NXPE2: variants seen among roughly 807,000 people sequenced by gnomAD.
NXPE2 encodes NXPE family member 2.
A neutral mutation model predicts 34.4 loss-of-function variants in NXPE2; 34 were observed. The observed-to-expected ratio is 0.99, with a 90% CI of 0.75 to 1.31. NXPE2 has a LOEUF of 1.31. Ranked by LOEUF, NXPE2 falls within the 40% of genes most tolerant of loss-of-function variation. The pLI is 0.00. For missense variants in NXPE2, 649 were observed against 672.5 expected, an observed-to-expected ratio of 0.97 and a Z score of 0.39; for synonymous variants, 235 against 231.3, an observed-to-expected ratio of 1.02 and a Z score of -0.15.
the NXPE2 span, among the ~76,000 whole-genome samples, chr11:114,737,069 G>A: frequency 5.3e-5 from 8 of 152,142 alleles, no homozygotes; most frequent in African/African-American, 1.7e-4. Flanking sequence ...ACACACACAC[G>A]TTGTAAAACT....
chr11:114,709,817 G>T (rs60753853), downstream of NXPE2, among the ~76,000 whole-genome samples: 5,713 of 151,906 alleles, frequency 0.038, 320 homozygotes, highest in African/African-American at 0.13. Context: ...CAGGAGAATC[G>T]CTTGAACCCG....
chr11:114,727,790 C>CAA, the NXPE2 span, among the ~76,000 whole-genome samples: 1 of 151,136 alleles, frequency 6.6e-6, no homozygotes, highest in Non-Finnish European at 1.5e-5. Flanking sequence ...CACACACACA[C>CAA]ACACACACAC....
At chr11:114,557,665 ATATATAT>A in the NXPE2 span, among the ~76,000 whole-genome samples, 15 of 106,892 alleles carry the variant, frequency 1.4e-4, no homozygotes, top group Middle Eastern at 4.5e-3. Flanking sequence ...ATATATATAT[ATATATAT>A]AAAATCCTTG....
the NXPE2 span, among the ~76,000 whole-genome samples, chr11:114,506,436 T>C: frequency 6.6e-6 from 1 of 152,238 alleles, no homozygotes; most frequent in Admixed American, 6.5e-5. Flanking sequence ...TATATTATTT[T>C]CATTGCCACA....
the NXPE2 span, among the ~76,000 whole-genome samples, chr11:114,639,245 C>T: frequency 6.6e-6 from 1 of 152,026 alleles, no homozygotes; most frequent in African/African-American, 2.4e-5. Context: ...ATCAGCGAGA[C>T]TCTGTGGGCA....
chr11:114,584,875 T>A, the NXPE2 span, among the ~76,000 whole-genome samples: 150 of 152,178 alleles, frequency 9.9e-4, no homozygotes, highest in Middle Eastern at 0.01. Flanking sequence ...GGGTGATCTC[T>A]TCTAGGAAAT....
At chr11:114,763,425 T>A in the NXPE2 span, among the ~76,000 whole-genome samples, 1 of 152,230 alleles carries the variant, frequency 6.6e-6, no homozygotes, top group Admixed American at 6.5e-5. Flanking sequence ...TGATGTTTTA[T>A]CTAGCCTGTG....
the NXPE2 span, among the ~76,000 whole-genome samples, chr11:114,747,576 G>A: frequency 6.6e-6 from 1 of 152,146 alleles, no homozygotes; most frequent in Non-Finnish European, 1.5e-5. Flanking sequence ...CATAGCTAAA[G>A]GTGAAGGGGA....
the NXPE2 span, among the ~76,000 whole-genome samples, chr11:114,629,120 T>C: frequency 6.6e-6 from 1 of 152,090 alleles, no homozygotes; most frequent in Non-Finnish European, 1.5e-5. Flanking sequence ...CCATTCCTTC[T>C]GAAACTATTC....
chr11:114,545,347 A>C, the NXPE2 span, among the ~76,000 whole-genome samples: 1 of 152,210 alleles, frequency 6.6e-6, no homozygotes, highest in Admixed American at 6.5e-5. Flanking sequence ...AGATAAACAA[A>C]TTGTAGTACA....
At chr11:114,641,374 A>G in the NXPE2 span, among the ~76,000 whole-genome samples, 1 of 152,096 alleles carries the variant, frequency 6.6e-6, no homozygotes, top group Non-Finnish European at 1.5e-5. Flanking sequence ...TAGACTACAT[A>G]CTGAGTCACA....
At chr11:114,684,927 C>G (rs1279012672) in intron 2 of NXPE2, among the ~76,000 whole-genome samples, 1 of 152,088 alleles carries the variant, frequency 6.6e-6, no homozygotes, top group Non-Finnish European at 1.5e-5. Context: ...GGAACTGCCT[C>G]CATGGATATT....
the NXPE2 span, among the ~76,000 whole-genome samples, chr11:114,562,867 C>G: frequency 5.9e-5 from 9 of 152,280 alleles, no homozygotes; most frequent in Middle Eastern, 3.4e-3. Flanking sequence ...TGCTTGCTCT[C>G]AAGATAATGC....
At chr11:114,486,830 T>C in the NXPE2 span, among the ~76,000 whole-genome samples, 1 of 152,124 alleles carries the variant, frequency 6.6e-6, no homozygotes, top group South Asian at 2.1e-4. Context: ...GTTTCTGGGT[T>C]CTCTATTCTG....
chr11:114,761,465 G>A, the NXPE2 span, among the ~76,000 whole-genome samples: 6 of 152,062 alleles, frequency 3.9e-5, no homozygotes, highest in Admixed American at 3.9e-4. Flanking sequence ...ACTTCACTAG[G>A]GAAGCCTGTG....
chr11:114,554,404 G>A, the NXPE2 span: 1 of 984,794 alleles, frequency 1.0e-6, no homozygotes, highest in Admixed American at 6.2e-5. Context: ...CAATATTCCA[G>A]AACAGGGGGT....
At chr11:114,516,069 G>A in the NXPE2 span, among the ~76,000 whole-genome samples, 28 of 152,182 alleles carry the variant, frequency 1.8e-4, no homozygotes, top group African/African-American at 6.3e-4. Flanking sequence ...TTTGCCTATA[G>A]CCACACAATT....
chr11:114,480,440 A>C, the NXPE2 span, among the ~76,000 whole-genome samples: 1 of 152,204 alleles, frequency 6.6e-6, no homozygotes, highest in Non-Finnish European at 1.5e-5. Flanking sequence ...CTAAGCTAAA[A>C]AGACGTTAAT....
chr11:114,645,194 C>CA, the NXPE2 span, among the ~76,000 whole-genome samples: 2 of 151,898 alleles, frequency 1.3e-5, no homozygotes, highest in Non-Finnish European at 2.9e-5. Flanking sequence ...CTCAGCTACA[C>CA]AGAGGCTGAG....
Sources: gnomAD v4.1 joint callset for allele counts (sites outside exome capture counted in the v4.1 genomes callset) on GRCh38, gnomAD v4.1.1 for gene constraint, MANE v1.5 for transcripts, NCBI Gene and HGNC (gene_info 2026-07-23, HGNC 2026-07-21) for gene names.